Variants in PLD5 observed in about 807,000 individuals in gnomAD.
PLD5 encodes phospholipase D family member 5.
Under a neutral mutation model 61.1 loss-of-function variants are expected in PLD5, and 36 were observed. The observed-to-expected ratio is 0.59, with a 90% CI of 0.45 to 0.78. PLD5 has a LOEUF of 0.78. PLD5 is among the 30% of genes least tolerant of loss of function. The pLI is 0.00. For synonymous variants in PLD5, 243 were observed against 242.8 expected (o/e 1.00, Z -0.01); for missense variants, 515 against 644.4 (o/e 0.80, Z 2.17).
intron 5 of PLD5, among the ~76,000 whole-genome samples, chr1:242,167,466 A>G (rs1235975978): frequency 6.6e-6 from 1 of 152,076 alleles, no homozygotes; most frequent in African/African-American, 2.4e-5. Flanking sequence ...CATGGGAAAA[A>G]CCCATCTCTG....
intron 1 of PLD5, among the ~76,000 whole-genome samples, chr1:242,349,895 G>A (rs1660376959): frequency 6.6e-6 from 1 of 152,114 alleles, no homozygotes; most frequent in Admixed American, 6.6e-5. Flanking sequence ...TCTCAGAGAT[G>A]GGCATGGTGA....
intron 5 of PLD5, among the ~76,000 whole-genome samples, chr1:242,167,461 G>A (rs1437870480): frequency 1.3e-5 from 2 of 152,234 alleles, no homozygotes; most frequent in African/African-American, 4.8e-5. Flanking sequence ...AACAGCATGG[G>A]AAAAACCCAT....
rs1558343822 is a variant in PLD5, at chr1:242,207,816, T to TATATATTTA, written c.735+12171_735+12172insTAAATATAT. On this transcript the variant is annotated intron_variant, in intron 5 of 9. Coordinates refer to ENST00000536534, the MANE Select transcript of PLD5 (RefSeq NM_001372062.1). Reference sequence around the variant, plus strand: ...TATATATATTTATATATATTTATATTTATATATTTATATATATTTATATAT... The same window carrying TATATATTTA: ...TATATATATTTATATATATTTATATTATATATTTATATATATTTATATATATTTATATAT... Among the ~76,000 whole-genome samples the TATATATTTA allele has an allele frequency of 8.8e-3, 344 of 39,088 alleles. 24 individuals carry two copies. The highest frequency in any genetic ancestry group is 0.018 in the African/African-American group (130 of 7,028). 25.6% of individuals were successfully genotyped at this position (39,088 alleles called of 152,430 possible). A position where few individuals can be genotyped will look rare whatever the true frequency, so the allele number is the denominator to read the frequency against.
intron 8 of PLD5, among the ~76,000 whole-genome samples, chr1:242,106,339 T>C (rs908067278): frequency 1.3e-5 from 2 of 152,230 alleles, no homozygotes; most frequent in Non-Finnish European, 2.9e-5. Context: ...GAAGACTCTG[T>C]GCAGTGACTG....
intron 1 of PLD5, among the ~76,000 whole-genome samples, chr1:242,464,782 A>T (rs1667224045): frequency 6.6e-6 from 1 of 152,204 alleles, no homozygotes; most frequent in African/African-American, 2.4e-5. Flanking sequence ...GAGAAGCACA[A>T]CATGGTGTCT....
chr1:242,245,894 C>G (rs11576748), intron 4 of PLD5, among the ~76,000 whole-genome samples: 2,645 of 152,194 alleles, frequency 0.017, 38 homozygotes, highest in Non-Finnish European at 0.028. Context: ...CTCACAGCCC[C>G]CCTTCTTCCT....
intron 1 of PLD5, among the ~76,000 whole-genome samples, chr1:242,455,085 AGTT>A (rs1666906014): frequency 6.6e-6 from 1 of 152,214 alleles, no homozygotes; most frequent in Admixed American, 6.5e-5. Context: ...GTGATCAATC[AGTT>A]GTTCAAAATA....
In PLD5 at chr1:242,463,982, C is replaced by T. The variant is rs182010942; in HGVS notation, c.189+60106G>A. Among the ~76,000 whole-genome samples the T allele has an allele frequency of 1.6e-4, 25 of 152,292 alleles. No homozygotes were observed. In the East Asian group the frequency reaches 4.6e-3, roughly 28 times the overall value. On this transcript the variant is annotated intron_variant, in intron 1 of 9. Transcript: ENST00000536534. ...TTATACCGAGTACCTCCATTCCCCA[C>T]CTCTCCACTGACATTGCTCACATTA...
intron 5 of PLD5, among the ~76,000 whole-genome samples, chr1:242,207,918 ATATTTATATATATT>A (rs1305124096): frequency 0.044 from 830 of 18,756 alleles, 281 homozygotes; most frequent in South Asian, 0.25. Context: ...ATATATTTAT[ATATTTATATATATT>A]TATATATTTA....
intron 4 of PLD5, among the ~76,000 whole-genome samples, chr1:242,237,548 G>T (rs1243773223): frequency 1.3e-5 from 2 of 152,194 alleles, no homozygotes; most frequent in East Asian, 3.9e-4. Flanking sequence ...GTTTTCAACT[G>T]GTGCATGGTG....
intron 1 of PLD5, among the ~76,000 whole-genome samples, chr1:242,441,745 G>A (rs1289875307): frequency 6.6e-6 from 1 of 151,972 alleles, no homozygotes; most frequent in African/African-American, 2.4e-5. Context: ...GGGAGCCACC[G>A]AGCCCACCTT....
intron 1 of PLD5, among the ~76,000 whole-genome samples, chr1:242,348,978 T>G (rs978744251): frequency 2.6e-5 from 4 of 152,128 alleles, no homozygotes; most frequent in East Asian, 3.9e-4. Context: ...GGCTTGAACC[T>G]GGGAGGCGGA....
chr1:242,521,131 G>A (rs1337311850), intron 1 of PLD5, among the ~76,000 whole-genome samples: 1 of 152,160 alleles, frequency 6.6e-6, no homozygotes, highest in Non-Finnish European at 1.5e-5. Flanking sequence ...TACAAAACAC[G>A]ACTTCCTCGC....
At chr1:242,334,325 C>T (rs1041131896) in intron 2 of PLD5, among the ~76,000 whole-genome samples, 7 of 152,154 alleles carry the variant, frequency 4.6e-5, no homozygotes, top group Admixed American at 2.0e-4. Flanking sequence ...TATACATTTC[C>T]ATCACATCCC....
chr1:242,449,091 G>A lies in PLD5; in HGVS notation c.189+74997C>T, dbSNP rs377602080. Among the ~76,000 whole-genome samples, 7 of 152,322 alleles carry A rather than the reference G, an allele frequency of 4.6e-5. 1 individual carries two copies. Among genetic ancestry groups the A allele is most frequent in the African/African-American group, 1.7e-4 (7 of 41,580 alleles). On this transcript the variant is annotated intron_variant, in intron 1 of 9. Coordinates refer to ENST00000536534, the MANE Select transcript of PLD5 (RefSeq NM_001372062.1). ...GGGTTTACATCTGAGGTCACCGTAG[G>A]ACTGTCCTTCCCTGGCAGAGCCCAG...
chr1:242,487,630 T>C (rs1418903008), intron 1 of PLD5, among the ~76,000 whole-genome samples: 1 of 152,106 alleles, frequency 6.6e-6, no homozygotes, highest in Non-Finnish European at 1.5e-5. Flanking sequence ...GAAAATAATC[T>C]TTGCAAAATA....
intron 3 of PLD5, among the ~76,000 whole-genome samples, chr1:242,285,742 GT>G (rs1674983458): frequency 6.6e-6 from 1 of 151,742 alleles, no homozygotes; most frequent in Admixed American, 6.6e-5. Context: ...CAGATTACAA[GT>G]TTTTGAAGTA....
At chr1:242,394,474 A>G (rs180725147) in intron 1 of PLD5, among the ~76,000 whole-genome samples, 1 of 86,990 alleles carries the variant, frequency 1.1e-5, no homozygotes, top group East Asian at 3.4e-4. Flanking sequence ...GAACATATAT[A>G]TGTGTATATA....
chr1:242,478,686 T>C (rs1012215794), intron 1 of PLD5, among the ~76,000 whole-genome samples: 3 of 152,206 alleles, frequency 2.0e-5, no homozygotes, highest in East Asian at 1.9e-4. Context: ...GTTTCTTTGA[T>C]ATTCCCTGGA....
Sources: allele counts gnomAD v4.1 joint callset (sites outside exome capture counted in the v4.1 genomes callset), GRCh38; gene constraint gnomAD v4.1.1; transcripts MANE v1.5; gene names NCBI Gene and HGNC (gene_info 2026-07-23, HGNC 2026-07-21).